Variants in PIK3AP1 observed in about 807,000 individuals in gnomAD.
PIK3AP1 encodes the protein phosphoinositide-3-kinase adaptor protein 1.
PIK3AP1 carries 21 observed loss-of-function variants against 88.1 expected under a neutral mutation model. The ratio of observed to expected loss-of-function variants is 0.24; its 90% confidence interval spans 0.17 to 0.34. The LOEUF is 0.34. Ranked by LOEUF, PIK3AP1 falls within the 10% of genes least tolerant of loss-of-function variation. PIK3AP1 has a pLI of 1.00. For synonymous variants in PIK3AP1, 398 were observed against 400.0 expected, an observed-to-expected ratio of 1.00 and a Z score of 0.06; for missense variants, 828 against 1,035.7, an observed-to-expected ratio of 0.80 and a Z score of 2.75.
chr10:96,645,170 C>G (rs1023554195), intron 8 of PIK3AP1, among the ~76,000 whole-genome samples: 1 of 152,108 alleles, frequency 6.6e-6, no homozygotes, highest in African/African-American at 2.4e-5. Flanking sequence ...AAAAAGGACC[C>G]CTGGAGACTG....
intron 8 of PIK3AP1, among the ~76,000 whole-genome samples, chr10:96,642,231 C>T (rs1589508313): frequency 6.6e-6 from 1 of 152,086 alleles, no homozygotes; most frequent in South Asian, 2.1e-4. Flanking sequence ...TCAAGACCAG[C>T]CTGGGTAACA....
chr10:96,679,348 T>G (rs1393122834), intron 2 of PIK3AP1, among the ~76,000 whole-genome samples: 1 of 151,934 alleles, frequency 6.6e-6, no homozygotes, highest in Non-Finnish European at 1.5e-5. Context: ...GCCAACATGG[T>G]GAAACCCCGC....
At chr10:96,713,548 G>A (rs1302942357) in intron 1 of PIK3AP1, among the ~76,000 whole-genome samples, 2 of 151,150 alleles carry the variant, frequency 1.3e-5, no homozygotes, top group Non-Finnish European at 3.0e-5. Flanking sequence ...GCCAGGCGTG[G>A]TGGTGTGCTC....
Position 96,709,915 on chromosome 10 carries a change from G to T in PIK3AP1, c.82C>A (p.Gln28Lys), listed in dbSNP as rs1490565558. The change falls in exon 2 of 17, where the codon CAG (glutamine) becomes AAG (lysine). Residue 28 changes from glutamine (Q) to lysine (K), a missense_variant. Transcript: ENST00000339364. ...TGCCGACTGGACAGGAACAGGGTCT[G>T]CAGGTACTGGCACCATTCCTCGGCA... ...PDAEEWCQYL[Q>K]TLFLSSRQVR... 6.2e-7 allele frequency: 1 copy of T among 1,611,076 alleles called. No individual in the cohort carries two copies. Among genetic ancestry groups the T allele is most frequent in the East Asian group, 2.2e-5 (1 of 44,804 alleles).
At chr10:96,645,868 G>A (rs1337536822) in intron 7 of PIK3AP1, among the ~76,000 whole-genome samples, 2 of 152,118 alleles carry the variant, frequency 1.3e-5, no homozygotes, top group Non-Finnish European at 2.9e-5. Flanking sequence ...TCACGTTTTT[G>A]TTTTAATCTT....
intron 10 of PIK3AP1, 27 bp downstream of exon 10, chr10:96,626,681 T>A: frequency 6.2e-7 from 1 of 1,608,906 alleles, no homozygotes. Flanking sequence ...AAAGACCCAG[T>A]TGGACATCAT....
intron 16 of PIK3AP1, among the ~76,000 whole-genome samples, chr10:96,597,390 T>C (rs925154934): frequency 7.1e-6 from 1 of 140,762 alleles, no homozygotes; most frequent in Non-Finnish European, 1.5e-5. Context: ...CTTTCTTTCT[T>C]TCTTTCAACA....
chr10:96,716,578 T>C (rs1844505135), intron 1 of PIK3AP1, among the ~76,000 whole-genome samples: 1 of 152,208 alleles, frequency 6.6e-6, no homozygotes, highest in South Asian at 2.1e-4. Flanking sequence ...AAAGTGAAAG[T>C]TCCAGTCCCT....
chr10:96,673,861 T>C (rs1843881270), intron 2 of PIK3AP1, among the ~76,000 whole-genome samples: 1 of 152,240 alleles, frequency 6.6e-6, no homozygotes, highest in Non-Finnish European at 1.5e-5. Flanking sequence ...TCCCACTCAA[T>C]GGTCAAAGTC....
At chr10:96,659,790 T>C (rs1167403682) in intron 2 of PIK3AP1, among the ~76,000 whole-genome samples, 1 of 150,870 alleles carries the variant, frequency 6.6e-6, no homozygotes, top group Admixed American at 6.6e-5. Context: ...ACTAAATCAA[T>C]AACCATGAAA....
At chr10:96,617,906 C>G (rs986427468) in intron 12 of PIK3AP1, among the ~76,000 whole-genome samples, 3 of 152,140 alleles carry the variant, frequency 2.0e-5, no homozygotes, top group African/African-American at 7.2e-5. Flanking sequence ...AAACATGGAA[C>G]TGGAGACACA....
At chr10:96,668,960 T>C (rs143859391) in intron 2 of PIK3AP1, among the ~76,000 whole-genome samples, 13 of 151,974 alleles carry the variant, frequency 8.6e-5, no homozygotes, top group Non-Finnish European at 1.8e-4. Context: ...TGAAACCCCA[T>C]CTCTACTAAA....
Position 96,710,000 on chromosome 10 carries a change from C to T in PIK3AP1, c.14-17G>A, listed in dbSNP as rs559319875. On this transcript the variant is annotated splice_polypyrimidine_tract_variant and intron_variant, in intron 1 of 16. Coordinates refer to ENST00000339364, the MANE Select transcript of PIK3AP1 (RefSeq NM_152309.3). ...TGGGCACCCCTGGACAAGAATGAGG[C>T]ACAGAAGCATGTTAGCACACCTCCC... 92 of 1,560,744 alleles carry T rather than the reference C, an allele frequency of 5.9e-5. 2 individuals carry two copies. The South Asian group carries it at 1.1e-3, about 18-fold the overall frequency.
chr10:96,694,222 G>C (rs1228470022), intron 2 of PIK3AP1, among the ~76,000 whole-genome samples: 1 of 152,088 alleles, frequency 6.6e-6, no homozygotes, highest in Non-Finnish European at 1.5e-5. Context: ...TCTCCTGCTA[G>C]GACACATAAA....
At chr10:96,719,505 T>C (rs192596740) in intron 1 of PIK3AP1, among the ~76,000 whole-genome samples, 31 of 152,352 alleles carry the variant, frequency 2.0e-4, no homozygotes, top group African/African-American at 6.5e-4. Context: ...TGTTTACTTA[T>C]TGCTTTCCTC....
At chr10:96,685,637 C>A (rs1044427748) in intron 2 of PIK3AP1, among the ~76,000 whole-genome samples, 1 of 152,188 alleles carries the variant, frequency 6.6e-6, no homozygotes, top group East Asian at 1.9e-4. Flanking sequence ...TGCCCCATAA[C>A]CCAGAGCTGG....
chr10:96,691,818 A>G (rs1193091432), intron 2 of PIK3AP1, among the ~76,000 whole-genome samples: 1 of 152,236 alleles, frequency 6.6e-6, no homozygotes, highest in East Asian at 1.9e-4. Flanking sequence ...TAACATTGGG[A>G]AGGTAAATGT....
In PIK3AP1 at chr10:96,713,783, TG is replaced by T. The variant is rs1286457556; in HGVS notation, c.14-3801del. ...ATAAACTCTAGGGCCACTGAGGGAA[TG>T]GGTACTCATTTCCCCCTGGATCCTG... On this transcript the variant is annotated intron_variant, in intron 1 of 16. Transcript: ENST00000339364. 2.0e-5 allele frequency among the ~76,000 whole-genome samples: 3 copies of T among 152,286 alleles called. No individual in the cohort carries two copies. In the East Asian group the frequency reaches 5.8e-4, roughly 29 times the overall value.
intron 16 of PIK3AP1, among the ~76,000 whole-genome samples, chr10:96,600,476 G>T (rs1037864548): frequency 1.3e-5 from 2 of 152,186 alleles, no homozygotes; most frequent in African/African-American, 4.8e-5. Context: ...CTTCCTTCCA[G>T]GACTAATATT....
Sources: gnomAD v4.1 joint callset for allele counts (sites outside exome capture counted in the v4.1 genomes callset) on GRCh38, gnomAD v4.1.1 for gene constraint, MANE v1.5 for transcripts, NCBI Gene and HGNC (gene_info 2026-07-23, HGNC 2026-07-21) for gene names.